The following LMF1 variants were observed in gnomAD, a reference collection of about 807,000 sequenced individuals.
LMF1 encodes the protein lipase maturation factor 1.
A neutral mutation model predicts 60.6 loss-of-function variants in LMF1; 68 were observed. The observed-to-expected ratio is 1.12, with a 90% CI of 0.92 to 1.37. The LOEUF is 1.37. LMF1 is among the 40% of genes most tolerant of loss of function. LMF1 has a pLI of 0.00. For missense variants in LMF1, 948 were observed against 767.2 expected, an observed-to-expected ratio of 1.24 and a Z score of -2.78; for synonymous variants, 418 against 324.7, an observed-to-expected ratio of 1.29 and a Z score of -3.09.
chr16:978,463 T>G (rs1306191109), intron 1 of LMF1, among the ~76,000 whole-genome samples: 5 of 152,184 alleles, frequency 3.3e-5, no homozygotes, highest in Admixed American at 3.3e-4. Context: ...CCCTGCACCA[T>G]CTCATGGGCA....
In LMF1 at chr16:976,486, C is replaced by T. The variant is rs182761042; in HGVS notation, c.-135+4659G>A. 340 of 454,118 alleles carry T rather than the reference C, an allele frequency of 7.5e-4. 1 individual carries two copies. Among genetic ancestry groups the T allele is most frequent in the African/African-American group, 5.9e-3 (295 of 50,136 alleles). The allele number at this position is 454,118 out of a possible 1,614,324, so 28.1% of individuals were successfully genotyped here. A position where few individuals can be genotyped will look rare whatever the true frequency, so the allele number is the denominator to read the frequency against. ...CACCGCCCCCAGGCTGGGCCTCCCT[C>T]GACGGAAGGTGACGCTCTCTGGGAG... On this transcript the variant is annotated intron_variant, in intron 1 of 6. Transcript: ENST00000570014.
chr16:927,028 T>G (rs986872464), intron 3 of LMF1, among the ~76,000 whole-genome samples: 1 of 151,526 alleles, frequency 6.6e-6, no homozygotes, highest in African/African-American at 2.4e-5. Context: ...CACTGGAGGG[T>G]CCAGAAGGGC....
rs755734981 is a variant in LMF1, at chr16:954,606, A to C, written c.254T>G (p.Leu85Arg). 3.0e-5 allele frequency: 49 copies of C among 1,610,334 alleles called. No homozygotes were observed. Among genetic ancestry groups the C allele is most frequent in the Non-Finnish European group, 4.0e-5 (47 of 1,177,472 alleles). Residue 85 changes from leucine to arginine, a missense_variant, in exon 2 of 11, where the codon CTT becomes CGT. Coordinates refer to ENST00000262301, the MANE Select transcript of LMF1 (RefSeq NM_022773.4). ...NKQLIGDRGL[L>R]PCRVFLKNFQ... ...GTTCTTCAGGAACACTCTGCAGGGA[A>C]GCAGCCCCCTGTCACCGATGAGCTG...
chr16:896,667 C>T (rs918583697), intron 4 of LMF1, among the ~76,000 whole-genome samples: 6 of 152,162 alleles, frequency 3.9e-5, no homozygotes, highest in Non-Finnish European at 5.9e-5. Context: ...ACGGCTCCAC[C>T]GGGCAGGGGC....
intron 3 of LMF1, among the ~76,000 whole-genome samples, chr16:926,204 G>T (rs956290888): frequency 5.0e-4 from 68 of 136,146 alleles, no homozygotes; most frequent in African/African-American, 1.8e-3. Context: ...TGCATACGTG[G>T]GTCTGTGTGC....
At chr16:972,064 T>C (rs531392317), upstream of LMF1, among the ~76,000 whole-genome samples, 48 of 152,324 alleles carry the variant, frequency 3.2e-4, no homozygotes, top group African/African-American at 1.1e-3. Context: ...ACCTGTTTAA[T>C]TATATCTTCA....
chr16:979,843 C>T (rs920779244), intron 1 of LMF1: 2 of 442,158 alleles, frequency 4.5e-6, no homozygotes, highest in African/African-American at 4.0e-5. Flanking sequence ...ACCCCCACTT[C>T]TGCCTGCCTG....
intron 1 of LMF1, chr16:979,202 A>G: frequency 2.4e-6 from 1 of 421,880 alleles, no homozygotes. Flanking sequence ...GCGTCCTCTC[A>G]GGCCTAGTGG....
upstream of LMF1, chr16:975,831 G>C (rs1214328690): frequency 2.2e-6 from 1 of 454,032 alleles, no homozygotes; most frequent in Admixed American, 2.3e-5. Flanking sequence ...CATCCTGGCC[G>C]GGGAGGTCAG....
chr16:865,876 T>C (rs2069596590), intron 10 of LMF1, among the ~76,000 whole-genome samples: 2 of 152,242 alleles, frequency 1.3e-5, no homozygotes, highest in African/African-American at 4.8e-5. Context: ...CTGGGTACTT[T>C]CTATGTTTAA....
rs1457737716 is a variant in LMF1 at position 871,126 on chromosome 16, G to A, written c.1078+35C>T. The A allele has an allele frequency of 2.6e-6, 4 of 1,523,542 alleles. No homozygotes were observed. In the Admixed American group the frequency reaches 6.2e-5, roughly 24 times the overall value. The allele number at this position is 1,523,542 out of a possible 1,614,324, so 94.4% of individuals were successfully genotyped here. A position where few individuals can be genotyped will look rare whatever the true frequency, so the allele number is the denominator to read the frequency against. ...GGCTGGCACCACCCGACTTTCTCCT[G>A]CCCTTGGGCAGGGGCCCCCAGCTGA... On this transcript the variant is annotated intron_variant, in intron 7 of 10. Coordinates refer to ENST00000262301, the MANE Select transcript of LMF1 (RefSeq NM_022773.4).
chr16:855,339 C>A, intron 10 of LMF1: 1 of 285,850 alleles, frequency 3.5e-6, no homozygotes, highest in Non-Finnish European at 6.8e-6. Context: ...ACCCCCATCT[C>A]CCCTGGAGCA....
At chr16:883,145 G>A (rs1468029963) in intron 5 of LMF1, among the ~76,000 whole-genome samples, 2 of 150,290 alleles carry the variant, frequency 1.3e-5, no homozygotes, top group Admixed American at 6.6e-5. Flanking sequence ...GGAGAAAGAG[G>A]AGCTGCTCAG....
intron 3 of LMF1, among the ~76,000 whole-genome samples, chr16:914,699 ACTCCCTCCCACGACCATTGGTGACACT>A: frequency 2.2e-4 from 1 of 4,532 alleles, no homozygotes; most frequent in African/African-American, 1.2e-3. Flanking sequence ...TTGGTGACAC[ACTCCCTCCCACGACCATTGGTGACACT>A]CTCCCTCCCT....
chr16:869,182 C>T (rs1019608874), intron 9 of LMF1, 126 bp from the exon 10 acceptor site: 43 of 729,014 alleles, frequency 5.9e-5, no homozygotes, highest in South Asian at 4.2e-4. Context: ...CCTGGGCAGC[C>T]GCACTCCAGC....
At chr16:955,770 A>G (rs1158570506) in intron 1 of LMF1, among the ~76,000 whole-genome samples, 4 of 152,226 alleles carry the variant, frequency 2.6e-5, no homozygotes, top group Non-Finnish European at 5.9e-5. Flanking sequence ...CAGCTGACCA[A>G]CCGGACTGCA....
At chr16:958,355 T>G (rs2072750460) in intron 1 of LMF1, among the ~76,000 whole-genome samples, 1 of 152,204 alleles carries the variant, frequency 6.6e-6, no homozygotes, top group African/African-American at 2.4e-5. Context: ...TGATAAAGGA[T>G]TTGTATCTAG....
chr16:855,371 GCTGAGCCCTGTATAAGGTCCCGC>G (rs1359803721), intron 10 of LMF1: 1 of 322,006 alleles, frequency 3.1e-6, no homozygotes, highest in Non-Finnish European at 6.1e-6. Context: ...AGGTCTCTCT[GCTGAGCCCTGTATAAGGTCCCGC>G]CTGACCCCTG....
chr16:872,331 C>G (rs773085903), intron 6 of LMF1: 4 of 152,156 alleles, frequency 2.6e-5, no homozygotes, highest in Non-Finnish European at 5.9e-5. Flanking sequence ...GCAGGGACAT[C>G]GACGTCTAAT....
Sources: gnomAD v4.1 joint callset for allele counts (sites outside exome capture counted in the v4.1 genomes callset) on GRCh38, gnomAD v4.1.1 for gene constraint, MANE v1.5 for transcripts, NCBI Gene and HGNC (gene_info 2026-07-23, HGNC 2026-07-21) for gene names.